Variants in APP observed in about 807,000 individuals in gnomAD.
APP encodes amyloid-beta precursor protein.
A neutral mutation model predicts 101.4 loss-of-function variants in APP; 31 were observed. That is an observed-to-expected ratio of 0.31 (90% confidence interval 0.23 to 0.41). The LOEUF (loss-of-function observed/expected upper bound fraction) is 0.41, where lower values mean the gene tolerates loss of function less well. APP is among the 10% of genes least tolerant of loss of function. The pLI is 1.00. For synonymous variants in APP, 366 were observed against 364.4 expected, an observed-to-expected ratio of 1.00 and a Z score of -0.05; for missense variants, 839 against 1,003.7, an observed-to-expected ratio of 0.84 and a Z score of 2.22.
At chr21:25,885,533 C>G (rs180986018) in intron 17 of APP, among the ~76,000 whole-genome samples, 1 of 152,338 alleles carries the variant, frequency 6.6e-6, no homozygotes, top group East Asian at 1.9e-4. Flanking sequence ...CATACAACCA[C>G]TGAATATTCA....
intron 13 of APP, among the ~76,000 whole-genome samples, chr21:25,937,516 T>C (rs2040408549): frequency 6.6e-6 from 1 of 152,252 alleles, no homozygotes; most frequent in Admixed American, 6.5e-5. Flanking sequence ...GCACATTTTG[T>C]CAATTTTCCC....
intron 8 of APP, among the ~76,000 whole-genome samples, chr21:25,986,805 A>G (rs568271377): frequency 6.6e-6 from 1 of 152,366 alleles, no homozygotes; most frequent in Admixed American, 6.5e-5. Context: ...TGGCCAAATG[A>G]TAACAGCCTC....
At chr21:25,896,019 T>C (rs1275391620) in intron 16 of APP, among the ~76,000 whole-genome samples, 1 of 152,234 alleles carries the variant, frequency 6.6e-6, no homozygotes, top group African/African-American at 2.4e-5. Context: ...TGGGCTTATA[T>C]GACACAGGCC....
intron 3 of APP, among the ~76,000 whole-genome samples, chr21:26,083,861 G>A (rs1267918685): frequency 6.6e-6 from 1 of 151,994 alleles, no homozygotes; most frequent in East Asian, 1.9e-4. Flanking sequence ...AATGACACCT[G>A]AATACAACTC....
At chr21:25,899,380 G>A (rs985747457) in intron 15 of APP, among the ~76,000 whole-genome samples, 2 of 152,240 alleles carry the variant, frequency 1.3e-5, no homozygotes, top group Middle Eastern at 3.4e-3. Context: ...GAATGTGGTC[G>A]GGATGTAGTG....
intron 8 of APP, 40 bp from the exon 9 acceptor site, chr21:25,982,517 C>G: frequency 6.2e-7 from 1 of 1,601,626 alleles, no homozygotes; most frequent in African/African-American, 1.3e-5. Context: ...AAAAAAAAGC[C>G]AACAACAACA....
chr21:25,942,075 A>G (rs1478219714), intron 13 of APP: 1 of 152,214 alleles, frequency 6.6e-6, no homozygotes. Context: ...AACATGCACA[A>G]TGTAGCTGAT....
At chr21:26,030,141 G>C (rs1019298591) in intron 5 of APP, among the ~76,000 whole-genome samples, 1 of 152,116 alleles carries the variant, frequency 6.6e-6, no homozygotes, top group African/African-American at 2.4e-5. Flanking sequence ...AATACCCCTG[G>C]GACATGATAT....
intron 5 of APP, 97 bp from the exon 6 acceptor site, chr21:26,022,139 A>G: frequency 7.2e-7 from 1 of 1,393,414 alleles, no homozygotes; most frequent in Non-Finnish European, 1.0e-6. Context: ...CAATTTGAGA[A>G]GAAACACACC....
intron 11 of APP, among the ~76,000 whole-genome samples, chr21:25,960,587 T>TTAGTGA (rs1295013027): frequency 6.6e-6 from 1 of 152,114 alleles, no homozygotes; most frequent in African/African-American, 2.4e-5. Context: ...GAGGCCTGCA[T>TTAGTGA]TAGTGAGATT....
intron 5 of APP, among the ~76,000 whole-genome samples, chr21:26,044,720 G>A (rs989102467): frequency 9.2e-5 from 14 of 152,096 alleles, no homozygotes; most frequent in African/African-American, 3.1e-4. Context: ...TGTATTTTTA[G>A]TAGGGATGGG....
At chr21:26,003,827 T>C (rs2043396930) in intron 6 of APP, among the ~76,000 whole-genome samples, 1 of 152,122 alleles carries the variant, frequency 6.6e-6, no homozygotes, top group African/African-American at 2.4e-5. Context: ...ACACTTTCCC[T>C]CAGGGAAATA....
At chr21:25,948,037 C>T (rs1354662129) in intron 13 of APP, among the ~76,000 whole-genome samples, 1 of 149,346 alleles carries the variant, frequency 6.7e-6, no homozygotes, top group Non-Finnish European at 1.5e-5. Context: ...TTCTTATGTC[C>T]AAATACTTAA....
chr21:25,886,282 A>C (rs2037319944), intron 17 of APP, among the ~76,000 whole-genome samples: 2 of 152,104 alleles, frequency 1.3e-5, no homozygotes, highest in African/African-American at 2.4e-5. Flanking sequence ...TTGTTTTCCT[A>C]ATTTTGATGC....
Position 26,002,500 on chromosome 21 carries a change from G to A in APP, c.866-2318C>T, listed in dbSNP as rs115896294. On this transcript the variant is annotated intron_variant, in intron 6 of 17. Coordinates refer to ENST00000346798, the MANE Select transcript of APP (RefSeq NM_000484.4). ...TTCTCTGTATCTCCTTCACCAATGT[G>A]TACATATTCATGTCACATGCTCTTT... 4.8e-4 allele frequency among the ~76,000 whole-genome samples: 66 copies of A among 137,740 alleles called. 1 individual carries two copies. The highest frequency in any genetic ancestry group is 1.7e-3 in the African/African-American group (65 of 37,354). The allele number at this position is 137,740 out of a possible 152,430, so 90.4% of individuals were successfully genotyped here. A position where few individuals can be genotyped will look rare whatever the true frequency, so the allele number is the denominator to read the frequency against.
chr21:25,973,830 C>G (rs2042124368), intron 11 of APP, among the ~76,000 whole-genome samples: 1 of 150,552 alleles, frequency 6.6e-6, no homozygotes, highest in Non-Finnish European at 1.5e-5. Flanking sequence ...ATCCTAGGTA[C>G]TTGGGAGGCT....
At chr21:26,076,434 T>C (rs2061498325) in intron 3 of APP, among the ~76,000 whole-genome samples, 2 of 152,176 alleles carry the variant, frequency 1.3e-5, no homozygotes. Context: ...TCAGGGAACA[T>C]GAGTCTAGTT....
chr21:25,934,126 G>A (rs2040262530), intron 13 of APP: 1 of 152,186 alleles, frequency 6.6e-6, no homozygotes, highest in African/African-American at 2.4e-5. Flanking sequence ...GTGGAGATTG[G>A]AGGGGTGCAT....
Position 25,966,694 on chromosome 21 carries a change from C to T in APP, c.1458+8376G>A, listed in dbSNP as rs181798795. Among the ~76,000 whole-genome samples, 8 of 152,144 alleles carry T rather than the reference C, an allele frequency of 5.3e-5. No individual in the cohort carries two copies. In the East Asian group the frequency reaches 7.7e-4, roughly 15 times the overall value. Reference sequence around the variant, plus strand: ...TTTTATAAGATAATTTCTTTTGCAACGAAAAGTGATGGGTAGAAATAATTG... The same window carrying T: ...TTTTATAAGATAATTTCTTTTGCAATGAAAAGTGATGGGTAGAAATAATTG... On this transcript the variant is annotated intron_variant, in intron 11 of 17. Transcript: ENST00000346798.
Sources: allele counts gnomAD v4.1 joint callset (sites outside exome capture counted in the v4.1 genomes callset), GRCh38; gene constraint gnomAD v4.1.1; transcripts MANE v1.5; gene names NCBI Gene and HGNC (gene_info 2026-07-23, HGNC 2026-07-21).